The following HIPK2 variants were observed in gnomAD, a reference collection of about 807,000 sequenced individuals.
HIPK2 encodes homeodomain-interacting protein kinase 2.
Under a neutral mutation model 113.7 loss-of-function variants are expected in HIPK2, and 27 were observed. The ratio of observed to expected loss-of-function variants is 0.24; its 90% CI spans 0.17 to 0.33. The LOEUF (loss-of-function observed/expected upper bound fraction) is 0.33. Ranked by LOEUF, HIPK2 falls within the 10% of genes least tolerant of loss-of-function variation. The pLI is 1.00. For synonymous variants in HIPK2, 631 were observed against 642.2 expected (o/e 0.98, Z 0.26); for missense variants, 1,257 against 1,588.0 (o/e 0.79, Z 3.54).
intron 2 of HIPK2, among the ~76,000 whole-genome samples, chr7:139,669,269 G>A (rs954691457): frequency 2.0e-5 from 3 of 152,164 alleles, no homozygotes; most frequent in Non-Finnish European, 4.4e-5. Flanking sequence ...TCATTTCAAA[G>A]GATGAACAAT....
intron 2 of HIPK2, among the ~76,000 whole-genome samples, chr7:139,677,491 G>T (rs1257131055): frequency 6.6e-6 from 1 of 152,090 alleles, no homozygotes; most frequent in Admixed American, 6.5e-5. Context: ...TCTGGGGAGG[G>T]CCTTCTTGCT....
chr7:139,664,451 C>T (rs904788255), intron 2 of HIPK2, among the ~76,000 whole-genome samples: 4 of 152,104 alleles, frequency 2.6e-5, no homozygotes, highest in East Asian at 1.9e-4. Context: ...GCAGGAGAAT[C>T]GCTTGAACCT....
intron 2 of HIPK2, among the ~76,000 whole-genome samples, chr7:139,680,529 A>G (rs1488441568): frequency 6.6e-6 from 1 of 152,190 alleles, no homozygotes; most frequent in African/African-American, 2.4e-5. Flanking sequence ...ATGTTTTCAA[A>G]ACTACAGGGC....
intron 2 of HIPK2, among the ~76,000 whole-genome samples, chr7:139,665,241 G>A (rs118149007): frequency 0.16 from 24,078 of 151,978 alleles, 2,278 homozygotes; most frequent in East Asian, 0.41. Context: ...GTCTTACTAT[G>A]TTGCCCAGGC....
chr7:139,655,458 C>T (rs190019324), intron 2 of HIPK2, among the ~76,000 whole-genome samples: 7 of 152,180 alleles, frequency 4.6e-5, no homozygotes, highest in Admixed American at 6.5e-5. Flanking sequence ...AGACAGAAGG[C>T]GTGTGGGAAC....
intron 12 of HIPK2, among the ~76,000 whole-genome samples, chr7:139,589,700 T>C (rs551151884): frequency 6.6e-6 from 1 of 152,322 alleles, no homozygotes; most frequent in African/African-American, 2.4e-5. Context: ...CTGAGGGCCA[T>C]CTCCTTGATG....
intron 2 of HIPK2, among the ~76,000 whole-genome samples, chr7:139,644,688 G>T (rs577473449): frequency 2.6e-4 from 40 of 152,332 alleles, no homozygotes; most frequent in African/African-American, 9.6e-4. Context: ...CTGATTCTGG[G>T]AAGGCCTAAC....
intron 6 of HIPK2, 58 bp downstream of exon 6, chr7:139,626,543 T>A: frequency 6.5e-7 from 1 of 1,546,022 alleles, no homozygotes; most frequent in Non-Finnish European, 8.8e-7. Context: ...AAATATTTAG[T>A]GTCTGGGCCT....
chr7:139,599,498 T>C (rs144646337), intron 11 of HIPK2, among the ~76,000 whole-genome samples: 74 of 152,318 alleles, frequency 4.9e-4, no homozygotes, highest in African/African-American at 1.7e-3. Flanking sequence ...ATGCAGCCTT[T>C]TGTTGACCTT....
At chr7:139,643,772 T>C (rs1801113341) in intron 2 of HIPK2, among the ~76,000 whole-genome samples, 1 of 152,174 alleles carries the variant, frequency 6.6e-6, no homozygotes, top group Non-Finnish European at 1.5e-5. Context: ...ATGAGGAAGG[T>C]TCCTAGAAGA....
chr7:139,768,886 T>C (rs1016637971), intron 1 of HIPK2, among the ~76,000 whole-genome samples: 1 of 152,226 alleles, frequency 6.6e-6, no homozygotes, highest in Non-Finnish European at 1.5e-5. Flanking sequence ...GGAAGAGCCC[T>C]AGCTCTGCTC....
Position 139,631,415 on chromosome 7 carries a change from A to G in HIPK2, c.1228-131T>C, listed in dbSNP as rs1414304930. ...AGGGAAAGAAGTTAACAAAAAAGAGAAAAAAGAAAAAGGGAAAAGAGAAAG... is the reference window on the plus strand; with the variant it reads ...AGGGAAAGAAGTTAACAAAAAAGAGGAAAAAGAAAAAGGGAAAAGAGAAAG... On this transcript the variant is annotated intron_variant, in intron 3 of 14. Coordinates refer to ENST00000406875, the MANE Select transcript of HIPK2 (RefSeq NM_022740.5). This position sits in a 1 kb window ranked among gnomAD's most constrained non-coding sequence, Gnocchi z 4.9. 1.4e-6 allele frequency: 2 copies of G among 1,440,312 alleles called. No homozygotes were observed. Among genetic ancestry groups the G allele is most frequent in the South Asian group, 1.5e-5 (1 of 68,312 alleles). 89.2% of individuals were successfully genotyped at this position (1,440,312 alleles called of 1,614,324 possible). A position where few individuals can be genotyped will look rare whatever the true frequency, so the allele number is the denominator to read the frequency against.
chr7:139,585,690 G>A (rs1015519961), intron 12 of HIPK2, among the ~76,000 whole-genome samples: 11 of 152,178 alleles, frequency 7.2e-5, no homozygotes, highest in African/African-American at 2.4e-4. Flanking sequence ...TGCTTTCAAT[G>A]ATACACAACA....
intron 9 of HIPK2, among the ~76,000 whole-genome samples, chr7:139,607,580 A>G (rs908876578): frequency 1.3e-5 from 2 of 152,226 alleles, no homozygotes; most frequent in Non-Finnish European, 2.9e-5. Flanking sequence ...AATGGGAAAA[A>G]TGAGGCAATC....
intron 6 of HIPK2, among the ~76,000 whole-genome samples, chr7:139,625,073 T>C (rs1451280795): frequency 6.6e-6 from 1 of 152,228 alleles, no homozygotes; most frequent in Non-Finnish European, 1.5e-5. Context: ...CTTTTCTCCA[T>C]GAGACCAGCA....
At chr7:139,667,103 C>T (rs147725652) in intron 2 of HIPK2, among the ~76,000 whole-genome samples, 1,546 of 151,962 alleles carry the variant, frequency 0.01, 14 homozygotes, top group Non-Finnish European at 0.017. Flanking sequence ...CACACTCTAA[C>T]TCTAACACAA....
chr7:139,631,642 A>C lies in HIPK2; in HGVS notation c.1187T>G (p.Leu396Arg). 3 of 1,614,064 alleles carry C rather than the reference A, an allele frequency of 1.9e-6. No homozygotes were observed. The highest frequency in any genetic ancestry group is 2.5e-6 in the Non-Finnish European group (3 of 1,179,898). The stretch of plus-strand genomic sequence containing the variant: ...AGCTCCTGGATATAACGGCCAACCC[A>C]GGAACAATTCTGCAATAACACAGCC... Reference protein sequence around the residue: ...SLGCVIAELFLGWPLYPGASE... With the variant: ...SLGCVIAELFRGWPLYPGASE... The change falls in exon 3 of 15, where the codon CTG (leucine) becomes CGG (arginine). Residue 396 changes from leucine to arginine, a missense_variant. By Grantham distance (102) the Leu-to-Arg change is moderately radical. This residue lies in a region of HIPK2 where 84 missense variants were observed against 182.2 expected (regional missense o/e 0.46). Transcript: ENST00000406875. The surrounding 1 kb of genome is among the most constrained non-coding windows in gnomAD (Gnocchi z 4.9).
At chr7:139,616,216 T>G (rs1441637515) in intron 7 of HIPK2, among the ~76,000 whole-genome samples, 1 of 152,220 alleles carries the variant, frequency 6.6e-6, no homozygotes, top group Non-Finnish European at 1.5e-5. Flanking sequence ...TGGAATCCAC[T>G]GACTCTTTTC....
At chr7:139,739,187 A>G (rs1457947112) in intron 1 of HIPK2, among the ~76,000 whole-genome samples, 1 of 152,148 alleles carries the variant, frequency 6.6e-6, no homozygotes, top group Non-Finnish European at 1.5e-5. Context: ...TAGCCTCTCT[A>G]TTTGCTGGGA....
Sources: gnomAD v4.1 joint callset for allele counts (sites outside exome capture counted in the v4.1 genomes callset) on GRCh38, gnomAD v4.1.1 for gene constraint, gnomAD v4.1.1 regional missense constraint, Gnocchi (gnomAD v3.1) non-coding constraint, MANE v1.5 for transcripts, NCBI Gene and HGNC (gene_info 2026-07-23, HGNC 2026-07-21) for gene names.